Variants in SND1 observed in about 807,000 individuals in gnomAD.
The protein encoded by SND1 is staphylococcal nuclease domain-containing protein 1.
Under a neutral mutation model 121.7 loss-of-function variants are expected in SND1, and 38 were observed. That is an observed-to-expected ratio of 0.31 (90% CI 0.24 to 0.41). SND1 has a LOEUF of 0.41. Ranked by LOEUF, SND1 falls within the 10% of genes least tolerant of loss-of-function variation. The pLI is 1.00. For synonymous variants in SND1, 401 were observed against 447.4 expected, an observed-to-expected ratio of 0.90 and a Z score of 1.31; for missense variants, 868 against 1,184.6, an observed-to-expected ratio of 0.73 and a Z score of 3.92.
chr7:128,053,494 T>C (rs1267198788), intron 16 of SND1, among the ~76,000 whole-genome samples: 1 of 152,020 alleles, frequency 6.6e-6, no homozygotes, highest in Admixed American at 6.6e-5. Context: ...GGCCAGAGAT[T>C]TCGGAAGGTA....
chr7:128,048,298 T>G (rs1792987270), intron 16 of SND1, among the ~76,000 whole-genome samples: 2 of 151,566 alleles, frequency 1.3e-5, no homozygotes, highest in Admixed American at 6.6e-5. Context: ...CAGGAAAACT[T>G]GTTGAGAAAG....
At chr7:128,077,069 C>T (rs1237149716) in intron 17 of SND1, among the ~76,000 whole-genome samples, 1 of 152,212 alleles carries the variant, frequency 6.6e-6, no homozygotes, top group African/African-American at 2.4e-5. Context: ...ATCTCACACA[C>T]GTGCTCAGCA....
intron 15 of SND1, among the ~76,000 whole-genome samples, chr7:127,953,567 A>G (rs1801519664): frequency 6.6e-6 from 1 of 152,098 alleles, no homozygotes; most frequent in Non-Finnish European, 1.5e-5. Flanking sequence ...TTTTATATGG[A>G]TTACACACTT....
chr7:127,782,826 G>C (rs933367114), intron 10 of SND1, among the ~76,000 whole-genome samples: 3 of 152,176 alleles, frequency 2.0e-5, no homozygotes, highest in African/African-American at 7.2e-5. Flanking sequence ...ACCTTTTCCA[G>C]TGGCCTGGAC....
intron 16 of SND1, among the ~76,000 whole-genome samples, chr7:128,004,722 A>T (rs1442266504): frequency 1.3e-5 from 2 of 152,142 alleles, no homozygotes; most frequent in Non-Finnish European, 2.9e-5. Flanking sequence ...TCTTTGTGTT[A>T]TGGGTTGTTA....
chr7:127,946,283 G>A (rs1250805128), intron 15 of SND1, among the ~76,000 whole-genome samples: 2 of 152,312 alleles, frequency 1.3e-5, no homozygotes, highest in Non-Finnish European at 2.9e-5. Flanking sequence ...TCAGACCTGT[G>A]GGATGGGTTT....
At chr7:128,086,207 G>A (rs993211089) in intron 20 of SND1, among the ~76,000 whole-genome samples, 2 of 152,260 alleles carry the variant, frequency 1.3e-5, no homozygotes, top group South Asian at 4.1e-4. Context: ...CAAGGTGACA[G>A]TGACTGACTG....
At chr7:127,778,460 G>A (rs921973005) in intron 10 of SND1, among the ~76,000 whole-genome samples, 3 of 152,190 alleles carry the variant, frequency 2.0e-5, no homozygotes, top group Admixed American at 2.0e-4. Context: ...GCCTCCCAAA[G>A]TGCTGGGATT....
intron 16 of SND1, among the ~76,000 whole-genome samples, chr7:128,018,703 C>G (rs1233493514): frequency 1.3e-5 from 2 of 152,206 alleles, no homozygotes; most frequent in African/African-American, 2.4e-5. Flanking sequence ...CAGTCCGTCT[C>G]TATCACAGGC....
At chr7:127,894,703 G>A (rs1207331269) in intron 13 of SND1, among the ~76,000 whole-genome samples, 1 of 151,940 alleles carries the variant, frequency 6.6e-6, no homozygotes, top group Non-Finnish European at 1.5e-5. Flanking sequence ...GATTAAATGG[G>A]TTAATCAGTT....
chr7:127,736,713 C>T (rs1457751233), intron 10 of SND1, among the ~76,000 whole-genome samples: 3 of 152,198 alleles, frequency 2.0e-5, no homozygotes, highest in East Asian at 3.8e-4. Flanking sequence ...TATTTAGAAG[C>T]AGGCTGTGAT....
chr7:127,858,293 C>A, intron 12 of SND1: 1 of 917,784 alleles, frequency 1.1e-6, no homozygotes, highest in Non-Finnish European at 1.7e-6. Context: ...CTGCGGGGAA[C>A]TGGGTCACCC....
rs141336139 is a variant in SND1 at position 128,024,206 on chromosome 7, A to G, written c.1779+33150A>G. Among the ~76,000 whole-genome samples the G allele has an allele frequency of 8.9e-4, 135 of 152,232 alleles. 1 individual carries two copies. Among genetic ancestry groups the G allele is most frequent in the Non-Finnish European group, 1.2e-4 (8 of 68,010 alleles). On this transcript the variant is annotated intron_variant, in intron 16 of 23. Transcript: ENST00000354725. ...GTCCAAAACATTCTTCCCCTTGCAT[A>G]GGAGAGGGGTGCTTCCTGAAAGGAG... is the stretch of plus-strand genomic sequence containing the variant.
chr7:127,751,843 A>G (rs1400500042), intron 10 of SND1, among the ~76,000 whole-genome samples: 1 of 152,168 alleles, frequency 6.6e-6, no homozygotes, highest in Non-Finnish European at 1.5e-5. Context: ...TGGCTGTCCA[A>G]ATAGCATGGA....
intron 16 of SND1, among the ~76,000 whole-genome samples, chr7:128,047,943 G>C (rs1792979524): frequency 6.6e-6 from 1 of 151,978 alleles, no homozygotes; most frequent in African/African-American, 2.4e-5. Context: ...GGCCTCCCGG[G>C]TTCAAACAAT....
At chr7:127,926,426 G>A (rs1021527730) in intron 14 of SND1, among the ~76,000 whole-genome samples, 8 of 151,860 alleles carry the variant, frequency 5.3e-5, no homozygotes, top group South Asian at 4.2e-4. Flanking sequence ...CCAAGCCTTC[G>A]AAATACTTGC....
intron 10 of SND1, among the ~76,000 whole-genome samples, chr7:127,796,504 C>T (rs1263192701): frequency 2.0e-5 from 3 of 152,062 alleles, no homozygotes; most frequent in African/African-American, 4.8e-5. Context: ...TTTTCTCGTT[C>T]ATAGATCTTC....
At chr7:127,770,550 G>A (rs757814986) in intron 10 of SND1, among the ~76,000 whole-genome samples, 2 of 152,206 alleles carry the variant, frequency 1.3e-5, no homozygotes, top group Admixed American at 6.5e-5. Flanking sequence ...TCAGGAAACT[G>A]AGGCTTGGAA....
At chr7:128,030,173 G>A in intron 16 of SND1, 7 of 1,614,238 alleles carry the variant, frequency 4.3e-6, no homozygotes, top group South Asian at 1.1e-5. Flanking sequence ...CGATGGGGTT[G>A]TTGCGAAGCC....
Sources: allele counts gnomAD v4.1 joint callset (sites outside exome capture counted in the v4.1 genomes callset), GRCh38; gene constraint gnomAD v4.1.1; transcripts MANE v1.5; gene names NCBI Gene and HGNC (gene_info 2026-07-23, HGNC 2026-07-21).